ANKFY1: variants seen among roughly 807,000 people sequenced by gnomAD.
ANKFY1 encodes ankyrin repeat and FYVE domain-containing protein 1.
ANKFY1 carries 47 observed loss-of-function variants against 128.3 expected under a neutral mutation model. The observed-to-expected ratio is 0.37, with a 90% CI of 0.29 to 0.47. The LOEUF (loss-of-function observed/expected upper bound fraction) is 0.47. Ranked by LOEUF, ANKFY1 falls within the 20% of genes least tolerant of loss-of-function variation. The probability of loss-of-function intolerance (pLI) is 1.00; values close to 1 mark genes in which losing one functional copy is unlikely to be tolerated. For synonymous variants in ANKFY1, 553 were observed against 601.6 expected (o/e 0.92, Z 1.18); for missense variants, 1,222 against 1,510.6 (o/e 0.81, Z 3.17).
intron 2 of ANKFY1, among the ~76,000 whole-genome samples, chr17:4,240,390 A>T (rs1443390943): frequency 8.0e-6 from 1 of 124,388 alleles, no homozygotes; most frequent in Non-Finnish European, 1.8e-5. Context: ...ATCTTTATTT[A>T]TTTATTTATT....
chr17:4,184,907 A>C lies in ANKFY1; in HGVS notation c.1610T>G (p.Leu537Trp). ...CGTCTGCAGATGGACGCTGTCCGCC[A>C]AGCTGGTCAGGGATGCGGCCTCCTT... ...LPKEAASLTS[L>W]ADSVHLQTPL... is the part of the protein sequence containing the mutation. The change falls in exon 12 of 25, where the codon TTG becomes TGG. Residue 537 changes from leucine (L) to tryptophan (W), a missense_variant. Leu to Trp is a moderately conservative substitution (Grantham distance 61). Transcript: ENST00000341657. The C allele has an allele frequency of 6.2e-7, 1 of 1,614,104 alleles. No individual in the cohort carries two copies. Among genetic ancestry groups the C allele is most frequent in the South Asian group, 1.1e-5 (1 of 91,086 alleles).
At chr17:4,242,884 G>A (rs945976072) in intron 1 of ANKFY1, among the ~76,000 whole-genome samples, 9 of 152,164 alleles carry the variant, frequency 5.9e-5, no homozygotes, top group Non-Finnish European at 1.3e-4. Context: ...GATGCTGACA[G>A]GCACTTGCCC....
At position 4,168,032 on chromosome 17, in the gene ANKFY1, C is replaced by G. The variant is rs4790178; in HGVS notation, c.3378-121G>C. On this transcript the variant is annotated intron_variant, in intron 24 of 24. Transcript: ENST00000341657. The stretch of plus-strand genomic sequence containing the variant: ...GGCGCCCGCAATGCTACTCTGGCAA[C>G]TCTGCCAACTGCCAGCCCGGTTACC... 0.57 allele frequency: 655,446 copies of G among 1,142,186 alleles called. 192,704 individuals carry two copies. The highest frequency in any genetic ancestry group is 0.72 in the East Asian group (28,279 of 39,178). 70.8% of individuals were successfully genotyped at this position (1,142,186 alleles called of 1,614,324 possible). A position where few individuals can be genotyped will look rare whatever the true frequency, so the allele number is the denominator to read the frequency against.
At chr17:4,250,553 G>A (rs1257632724) in intron 1 of ANKFY1, among the ~76,000 whole-genome samples, 2 of 152,134 alleles carry the variant, frequency 1.3e-5, no homozygotes, top group African/African-American at 4.8e-5. Flanking sequence ...TGGATTGGAA[G>A]GCTCAATAGC....
intron 4 of ANKFY1, among the ~76,000 whole-genome samples, chr17:4,211,106 A>G (rs1005896706): frequency 3.3e-5 from 5 of 152,172 alleles, no homozygotes; most frequent in Non-Finnish European, 7.3e-5. Flanking sequence ...AATGTTTTGA[A>G]AAAAACAGCC....
chr17:4,179,977 G>C, intron 16 of ANKFY1, 100 bp from the exon 17 acceptor site: 1 of 1,461,716 alleles, frequency 6.8e-7, no homozygotes, highest in Non-Finnish European at 9.3e-7. Flanking sequence ...CAATCCAACA[G>C]CGTCTGCTGT....
Position 4,169,174 on chromosome 17 carries a change from T to C in ANKFY1, c.3377+24A>G. 6.5e-7 allele frequency: 1 copy of C among 1,541,988 alleles called. No individual in the cohort carries two copies. The highest frequency in any genetic ancestry group is 2.5e-5 in the East Asian group (1 of 40,796). On this transcript the variant is annotated intron_variant, in intron 24 of 24. Coordinates refer to ENST00000341657, the MANE Select transcript of ANKFY1 (RefSeq NM_001330063.2). This position sits in a 1 kb window ranked among gnomAD's most constrained non-coding sequence, Gnocchi z 5.0. ...ACATCAGCGGCAGTCCCCTCGCTCCTTGCCAGTGACGCTGGGGTCTTACCA... is the reference window on the plus strand; with the variant it reads ...ACATCAGCGGCAGTCCCCTCGCTCCCTGCCAGTGACGCTGGGGTCTTACCA...
intron 1 of ANKFY1, 123 bp from the exon 2 acceptor site, chr17:4,242,571 T>G: frequency 2.5e-6 from 2 of 813,326 alleles, no homozygotes; most frequent in Non-Finnish European, 3.7e-6. Context: ...GTTCCACTCT[T>G]TCTTAGTGAT....
chr17:4,184,731 C>A (rs1238144765), intron 12 of ANKFY1, 87 bp downstream of exon 12: 1 of 1,442,218 alleles, frequency 6.9e-7, no homozygotes, highest in Admixed American at 1.8e-5. Flanking sequence ...TGAAACTCAC[C>A]AACAGAAAAA....
chr17:4,194,007 C>G (rs1377980484), intron 10 of ANKFY1, among the ~76,000 whole-genome samples: 1 of 151,048 alleles, frequency 6.6e-6, no homozygotes, highest in Non-Finnish European at 1.5e-5. Flanking sequence ...ATCCACCGGC[C>G]TCAGCCTCCC....
intron 3 of ANKFY1, among the ~76,000 whole-genome samples, chr17:4,234,451 A>G (rs1468415235): frequency 6.6e-6 from 1 of 152,204 alleles, no homozygotes; most frequent in East Asian, 1.9e-4. Flanking sequence ...ATCCTACACA[A>G]AAAAATGTGA....
chr17:4,230,181 C>T (rs2060491456), intron 3 of ANKFY1, among the ~76,000 whole-genome samples: 1 of 152,164 alleles, frequency 6.6e-6, no homozygotes, highest in Non-Finnish European at 1.5e-5. Flanking sequence ...AAACTATGCC[C>T]TTTCCACTGC....
At chr17:4,254,649 T>C (rs1376560858) in intron 1 of ANKFY1, among the ~76,000 whole-genome samples, 2 of 152,216 alleles carry the variant, frequency 1.3e-5, no homozygotes, top group African/African-American at 4.8e-5. Flanking sequence ...AGCAGCCACA[T>C]GAAACTAAAA....
Position 4,224,870 on chromosome 17 carries a change from T to C in ANKFY1, c.323-7752A>G, listed in dbSNP as rs576880994. On this transcript the variant is annotated intron_variant, in intron 3 of 24. Transcript: ENST00000341657. ...TACAATTCCAGAAAGTGGACTCATA[T>C]TTCTAAGGTTAAGATTCCCGTTTAT... Among the ~76,000 whole-genome samples, 3 of 152,120 alleles carry C rather than the reference T, an allele frequency of 2.0e-5. No individual in the cohort carries two copies. In the South Asian group the frequency reaches 6.2e-4, roughly 31 times the overall value.
rs2059301153 is a variant in ANKFY1, at chr17:4,170,712, C to T, written c.3286+3G>A. The T allele has an allele frequency of 6.2e-7, 1 of 1,606,432 alleles. No homozygotes were observed. The highest frequency in any genetic ancestry group is 1.1e-5 in the South Asian group (1 of 89,554). ...CTGTGAGAGCAGAGAGCGGGCCACTCACCCAGCAGTCGGAACAGGAGCTGC... is the reference window on the plus strand; with the variant it reads ...CTGTGAGAGCAGAGAGCGGGCCACTTACCCAGCAGTCGGAACAGGAGCTGC... On this transcript the variant is annotated splice_donor_region_variant and intron_variant, in intron 23 of 24. Transcript: ENST00000341657.
chr17:4,214,743 A>T (rs1212429366), intron 4 of ANKFY1, among the ~76,000 whole-genome samples: 2 of 152,040 alleles, frequency 1.3e-5, no homozygotes, highest in Non-Finnish European at 2.9e-5. Context: ...GGTGACTTTT[A>T]AAGTATAACA....
Position 4,263,934 on chromosome 17 carries a change from T to C in ANKFY1, c.8A>G (p.Glu3Gly). The stretch of plus-strand genomic sequence containing the variant: ...GCGGCTCCACAAAAAAACCCTACCT[T>C]CCGCCATGTCTGGCCCGGCACTGCC... MA[E>G]EEVAKLEKHL... The change falls in exon 1 of 25, where the codon GAA (glutamate) becomes GGA (glycine). Residue 3 changes from glutamate to glycine, a missense_variant and splice_region_variant. Transcript: ENST00000341657. 6.2e-7 allele frequency: 1 copy of C among 1,613,804 alleles called. No individual in the cohort carries two copies. Among genetic ancestry groups the C allele is most frequent in the South Asian group, 1.1e-5 (1 of 91,072 alleles).
At chr17:4,234,661 T>C (rs952477694) in intron 3 of ANKFY1, among the ~76,000 whole-genome samples, 2 of 152,068 alleles carry the variant, frequency 1.3e-5, no homozygotes, top group African/African-American at 4.8e-5. Context: ...TACAAGCACA[T>C]GCCATCCTGT....
At chr17:4,257,951 C>G (rs1057025472) in intron 1 of ANKFY1, among the ~76,000 whole-genome samples, 3 of 152,216 alleles carry the variant, frequency 2.0e-5, no homozygotes, top group Non-Finnish European at 4.4e-5. Context: ...TCTCAAATTG[C>G]CTACAGCAAA....
Sources: allele counts gnomAD v4.1 joint callset (sites outside exome capture counted in the v4.1 genomes callset), GRCh38; gene constraint gnomAD v4.1.1; non-coding constraint Gnocchi (gnomAD v3.1); transcripts MANE v1.5; gene names NCBI Gene and HGNC (gene_info 2026-07-23, HGNC 2026-07-21).